PDE4DIP: variants seen among roughly 807,000 people sequenced by gnomAD.
PDE4DIP encodes the protein myomegalin.
In PDE4DIP, 59 loss-of-function variants were observed where a neutral mutation model predicts 221.4. The ratio of observed to expected loss-of-function variants is 0.27; its 90% CI spans 0.22 to 0.33. PDE4DIP has a LOEUF of 0.33. PDE4DIP is among the 10% of genes least tolerant of loss of function. The probability of loss-of-function intolerance (pLI) is 1.00; values close to 1 mark genes in which losing one functional copy is unlikely to be tolerated. For synonymous variants in PDE4DIP, 404 were observed against 815.9 expected (o/e 0.50, Z 8.60); for missense variants, 1,036 against 2,154.2 (o/e 0.48, Z 10.28).
chr1:149,021,769 A>G (rs2073032997), intron 37 of PDE4DIP: 2 of 147,604 alleles, frequency 1.4e-5, no homozygotes, highest in Admixed American at 1.4e-4. Flanking sequence ...AACAAAAACA[A>G]AAAAACCTTA....
chr1:148,862,086 CT>C (rs2148258948), intron 1 of PDE4DIP, among the ~76,000 whole-genome samples: 1 of 124,622 alleles, frequency 8.0e-6, no homozygotes, highest in Non-Finnish European at 1.7e-5. Context: ...CATGCCTGTC[CT>C]TATGGCTTCA....
chr1:148,983,013 C>G (rs782138921), intron 21 of PDE4DIP: 1 of 152,080 alleles, frequency 6.6e-6, no homozygotes, highest in Non-Finnish European at 1.5e-5. Flanking sequence ...AAGCCTTACT[C>G]TTAATGGATC....
At chr1:148,892,416 C>T (rs1698918393) in intron 1 of PDE4DIP, among the ~76,000 whole-genome samples, 1 of 121,816 alleles carries the variant, frequency 8.2e-6, no homozygotes, top group Non-Finnish European at 1.6e-5. Flanking sequence ...GAGAAGGCAC[C>T]ATTTCTCACC....
chr1:148,984,471 T>C (rs184354007), intron 21 of PDE4DIP: 175 of 152,256 alleles, frequency 1.1e-3, no homozygotes, highest in African/African-American at 4.1e-3. Context: ...GAGGGTTCTT[T>C]AGTATATTCT....
intron 41 of PDE4DIP, among the ~76,000 whole-genome samples, chr1:149,028,982 C>T (rs1553633259): frequency 1.3e-5 from 2 of 152,198 alleles, no homozygotes; most frequent in Admixed American, 1.3e-4. Flanking sequence ...GACATCATAA[C>T]CCTGGCCATC....
chr1:148,911,886 G>C (rs1391872327), intron 1 of PDE4DIP, among the ~76,000 whole-genome samples: 1 of 149,810 alleles, frequency 6.7e-6, no homozygotes, highest in Non-Finnish European at 1.5e-5. Context: ...AGCAAGGAGA[G>C]GCTCTAGAGC....
chr1:148,869,860 A>G (rs2148656887), intron 3 of PDE4DIP, among the ~76,000 whole-genome samples: 1 of 91,838 alleles, frequency 1.1e-5, no homozygotes, highest in Admixed American at 1.1e-4. Context: ...CAGGTCCCAC[A>G]TAAATAATGT....
chr1:148,978,381 A>G (rs1177970694), exon 19 of PDE4DIP: 1 of 1,609,632 alleles, frequency 6.2e-7, no homozygotes, highest in Non-Finnish European at 8.5e-7. Flanking sequence ...GTAGAATCCC[A>G]GGGTCAAGAA....
exon 37 of PDE4DIP, chr1:149,021,031 T>G: frequency 9.2e-7 from 1 of 1,087,042 alleles, no homozygotes; most frequent in South Asian, 1.6e-5. Context: ...CTGGTCAGAC[T>G]GCAGCACAAG....
rs2062190564 is a variant in PDE4DIP, at chr1:148,987,893, C to T, written c.2816-3992C>T. 2.0e-5 allele frequency among the ~76,000 whole-genome samples: 3 copies of T among 152,070 alleles called. No homozygotes were observed. In the South Asian group the frequency reaches 6.2e-4, roughly 32 times the overall value. On this transcript the variant is annotated intron_variant, in intron 21 of 43. Coordinates refer to ENST00000369354, the Ensembl canonical transcript of PDE4DIP. Reference sequence around the variant, plus strand: ...ACCAACCTGGGCAACATAATGAGACCTCATCTGTAAAGCAAAATAAAACAA... The same window carrying T: ...ACCAACCTGGGCAACATAATGAGACTTCATCTGTAAAGCAAAATAAAACAA...
chr1:148,838,545 G>A (rs1188837658), intron 1 of PDE4DIP, among the ~76,000 whole-genome samples: 3 of 62,312 alleles, frequency 4.8e-5, no homozygotes, highest in Non-Finnish European at 7.1e-5. Flanking sequence ...CAAAGTCTAC[G>A]GCCATGCCAC....
chr1:148,858,403 A>AAT (rs56187843), intron 1 of PDE4DIP, among the ~76,000 whole-genome samples: 38 of 110,636 alleles, frequency 3.4e-4, no homozygotes, highest in African/African-American at 5.2e-4. Flanking sequence ...ATAATAATAA[A>AAT]ATATATATAT....
chr1:148,988,380 T>G (rs1285357891), intron 21 of PDE4DIP, among the ~76,000 whole-genome samples: 1 of 117,068 alleles, frequency 8.5e-6, no homozygotes, highest in East Asian at 2.4e-4. Flanking sequence ...CCCTTTAAAG[T>G]TCACAACAGT....
At chr1:149,017,859 C>A (rs781808152) in exon 34 of PDE4DIP, 1 of 1,613,572 alleles carries the variant, frequency 6.2e-7, no homozygotes, top group Non-Finnish European at 8.5e-7. Flanking sequence ...CACCGGCTGA[C>A]CTCTACTGCT....
At chr1:148,926,884 T>C (rs1263688956) in intron 1 of PDE4DIP, among the ~76,000 whole-genome samples, 4 of 143,686 alleles carry the variant, frequency 2.8e-5, no homozygotes, top group Non-Finnish European at 4.6e-5. Context: ...ATTCTTGCAG[T>C]GCCAGGCCAT....
chr1:148,973,249 C>T (rs1553532845), intron 16 of PDE4DIP, among the ~76,000 whole-genome samples: 1 of 151,890 alleles, frequency 6.6e-6, no homozygotes, highest in African/African-American at 2.4e-5. Flanking sequence ...TCTCTGCTCA[C>T]CTCTCGAGTA....
intron 4 of PDE4DIP, 87 bp from the exon 8 acceptor site, chr1:148,937,660 C>T (rs2049515383): frequency 1.5e-6 from 1 of 683,836 alleles, no homozygotes; most frequent in African/African-American, 1.8e-5. Flanking sequence ...CTATACTAGA[C>T]CATGCTATCT....
Position 149,032,008 on chromosome 1 carries a change from C to T in PDE4DIP, c.*23C>T, listed in dbSNP as rs372456781. The T allele has an allele frequency of 4.2e-3, 6,691 of 1,610,362 alleles. 36 individuals are homozygous for T. The highest frequency in any genetic ancestry group is 0.016 in the South Asian group (1,432 of 90,872). The stretch of plus-strand genomic sequence containing the variant: ...TGACCCTTGCCTTCCAGGAACCATG[C>T]AAGAAGCGCAGCCACCAGAAGTCCT... On this transcript the variant is annotated 3_prime_UTR_variant, in exon 44 of 44. Coordinates refer to ENST00000369354, the Ensembl canonical transcript of PDE4DIP.
chr1:149,012,695 C>T (rs782481673), exon 32 of PDE4DIP: 5 of 1,613,828 alleles, frequency 3.1e-6, no homozygotes, highest in Non-Finnish European at 4.2e-6. Flanking sequence ...CCCTCTCCTC[C>T]TTGGCTGCTG....
Sources: gnomAD v4.1 joint callset for allele counts (sites outside exome capture counted in the v4.1 genomes callset) on GRCh38, gnomAD v4.1.1 for gene constraint, MANE v1.5 for transcripts, NCBI Gene and HGNC (gene_info 2026-07-23, HGNC 2026-07-21) for gene names.